The following PARD3B variants were observed in gnomAD, a reference collection of about 807,000 sequenced individuals.
PARD3B encodes the protein par-3 family cell polarity regulator beta.
PARD3B carries 103 observed loss-of-function variants against 130.2 expected under a neutral mutation model. That is an observed-to-expected ratio of 0.79 (90% confidence interval 0.67 to 0.93). The LOEUF is 0.93. Ranked by LOEUF, PARD3B falls within the 40% of genes least tolerant of loss-of-function variation. The pLI, the probability that PARD3B is intolerant of heterozygous loss-of-function variation, is 0.00. For synonymous variants in PARD3B, 583 were observed against 553.2 expected, an observed-to-expected ratio of 1.05 and a Z score of -0.76; for missense variants, 1,609 against 1,499.2, an observed-to-expected ratio of 1.07 and a Z score of -1.21.
At position 204,613,735 on chromosome 2, in the gene PARD3B, T is replaced by A. The variant is rs188440305; in HGVS notation, c.120+67616T>A. ...CTTTGTTGCTTTATGAACTTTGTTT[T>A]ATTCCTTTTAAGCATAGCTATTGTA... On this transcript the variant is annotated intron_variant, in intron 1 of 22. Coordinates refer to ENST00000406610, the MANE Select transcript of PARD3B (RefSeq NM_001302769.2). Among the ~76,000 whole-genome samples, 421 of 152,296 alleles carry A rather than the reference T, an allele frequency of 2.8e-3. 3 individuals carry two copies. The highest frequency in any genetic ancestry group is 9.4e-3 in the African/African-American group (391 of 41,592).
intron 3 of PARD3B, among the ~76,000 whole-genome samples, chr2:205,018,912 A>G (rs1696376514): frequency 6.6e-6 from 1 of 152,116 alleles, no homozygotes; most frequent in South Asian, 2.1e-4. Context: ...TTTTTAACTC[A>G]TGTAATAAAG....
In PARD3B at chr2:205,119,639, A is replaced by G. The variant is rs567718544; in HGVS notation, c.806+593A>G. Among the ~76,000 whole-genome samples the G allele has an allele frequency of 3.6e-4, 55 of 152,158 alleles. 1 individual carries two copies. The highest frequency in any genetic ancestry group is 3.3e-3 in the Admixed American group (51 of 15,280). On this transcript the variant is annotated intron_variant, in intron 7 of 22. Coordinates refer to ENST00000406610, the MANE Select transcript of PARD3B (RefSeq NM_001302769.2). ...ACTAAAGGTACGAGAAAAATTAGCC[A>G]GGCGTGGTGGTACGCGCCTGTAATC...
intron 21 of PARD3B, among the ~76,000 whole-genome samples, chr2:205,552,015 C>G (rs916498455): frequency 4.6e-5 from 7 of 152,178 alleles, no homozygotes; most frequent in Non-Finnish European, 1.0e-4. Context: ...AATCAGTAAT[C>G]AAGTACTTTT....
At chr2:205,093,864 T>A (rs1472539592) in intron 4 of PARD3B, among the ~76,000 whole-genome samples, 1 of 152,076 alleles carries the variant, frequency 6.6e-6, no homozygotes, top group Non-Finnish European at 1.5e-5. Flanking sequence ...TTTTGCAGAG[T>A]CTCTCCTAAC....
intron 3 of PARD3B, among the ~76,000 whole-genome samples, chr2:205,009,394 G>A (rs781505459): frequency 2.0e-5 from 3 of 151,958 alleles, no homozygotes; most frequent in Non-Finnish European, 2.9e-5. Flanking sequence ...CACACCAGCC[G>A]GGCATGGTGG....
chr2:204,734,213 A>AT (rs1326950769), intron 2 of PARD3B, among the ~76,000 whole-genome samples: 1 of 152,220 alleles, frequency 6.6e-6, no homozygotes, highest in African/African-American at 2.4e-5. Flanking sequence ...AATTACAGTG[A>AT]TAACATTATA....
chr2:205,161,604 A>G (rs1301825149), intron 11 of PARD3B, among the ~76,000 whole-genome samples: 1 of 152,214 alleles, frequency 6.6e-6, no homozygotes, highest in African/African-American at 2.4e-5. Context: ...TCTATGATTC[A>G]GGATTCTGTC....
chr2:205,590,508 G>A lies in PARD3B; in HGVS notation c.3261-24948G>A, dbSNP rs534777823. On this transcript the variant is annotated intron_variant, in intron 22 of 22. Coordinates refer to ENST00000406610, the MANE Select transcript of PARD3B (RefSeq NM_001302769.2). The surrounding 1 kb of genome is among the most constrained non-coding windows in gnomAD (Gnocchi z 4.1). The stretch of plus-strand genomic sequence containing the variant: ...TTAACCATACACAATCACTGTGCCC[G>A]AGGGGATGGAACGTTCTGATGATCC... Among the ~76,000 whole-genome samples, 1 of 152,264 alleles carries A rather than the reference G, an allele frequency of 6.6e-6. No homozygotes were observed. Among genetic ancestry groups the A allele is most frequent in the African/African-American group, 2.4e-5 (1 of 41,550 alleles).
chr2:204,852,221 G>A (rs1021115082), intron 2 of PARD3B, among the ~76,000 whole-genome samples: 4 of 151,360 alleles, frequency 2.6e-5, no homozygotes, highest in Non-Finnish European at 4.4e-5. Context: ...TGTTTTAGGC[G>A]GTTATTTTGC....
At chr2:205,603,172 G>A (rs1431390545) in intron 22 of PARD3B, among the ~76,000 whole-genome samples, 4 of 152,186 alleles carry the variant, frequency 2.6e-5, no homozygotes, top group Non-Finnish European at 5.9e-5. Context: ...GTGTGGTTTT[G>A]AATGAGTTTC....
chr2:205,267,135 G>A (rs1022259372), intron 16 of PARD3B, among the ~76,000 whole-genome samples: 5 of 152,092 alleles, frequency 3.3e-5, no homozygotes, highest in African/African-American at 1.2e-4. Flanking sequence ...TCAAAGGGGA[G>A]AAATCATTCT....
intron 2 of PARD3B, among the ~76,000 whole-genome samples, chr2:204,779,266 A>T (rs1016294802): frequency 6.6e-6 from 1 of 152,146 alleles, no homozygotes. Flanking sequence ...GCTCCATGCG[A>T]ACAGGGATTA....
At chr2:205,406,165 C>T (rs2046410608) in intron 19 of PARD3B, among the ~76,000 whole-genome samples, 1 of 152,188 alleles carries the variant, frequency 6.6e-6, no homozygotes. Flanking sequence ...AGAACTGTCA[C>T]ATAGAGATTA....
intron 2 of PARD3B, among the ~76,000 whole-genome samples, chr2:204,948,737 T>G (rs778637055): frequency 3.9e-5 from 6 of 152,196 alleles, no homozygotes; most frequent in Non-Finnish European, 7.3e-5. Flanking sequence ...TTCAGAGAAA[T>G]TATTTGTCTT....
chr2:204,753,723 G>A (rs1310116187), intron 2 of PARD3B, among the ~76,000 whole-genome samples: 1 of 151,998 alleles, frequency 6.6e-6, no homozygotes, highest in Non-Finnish European at 1.5e-5. Flanking sequence ...TGATTCTCTT[G>A]TCACAAAGCA....
chr2:205,361,771 C>T (rs1255374014), intron 18 of PARD3B, among the ~76,000 whole-genome samples: 4 of 152,154 alleles, frequency 2.6e-5, no homozygotes, highest in Non-Finnish European at 4.4e-5. Flanking sequence ...ATCAGTTTTA[C>T]ACTTTTATCT....
At chr2:204,653,296 A>T (rs2035543476) in intron 1 of PARD3B, among the ~76,000 whole-genome samples, 1 of 139,550 alleles carries the variant, frequency 7.2e-6, no homozygotes, top group East Asian at 2.1e-4. Context: ...AAAAAAAAAA[A>T]ACCTAGCTAT....
chr2:205,054,430 ATATATATTTTTTTTT>A (rs1187440041), intron 4 of PARD3B, among the ~76,000 whole-genome samples: 2 of 37,706 alleles, frequency 5.3e-5, no homozygotes, highest in African/African-American at 2.5e-4. Context: ...ATATATATAT[ATATATATTTTTTTTT>A]TTTTTTTTTT....
intron 19 of PARD3B, among the ~76,000 whole-genome samples, chr2:205,418,271 A>G (rs1276567716): frequency 6.6e-6 from 1 of 152,144 alleles, no homozygotes; most frequent in Non-Finnish European, 1.5e-5. Flanking sequence ...ATTTGGGTAG[A>G]TATCTTCTGC....
Sources: gnomAD v4.1 joint callset for allele counts (sites outside exome capture counted in the v4.1 genomes callset) on GRCh38, gnomAD v4.1.1 for gene constraint, Gnocchi (gnomAD v3.1) non-coding constraint, MANE v1.5 for transcripts, NCBI Gene and HGNC (gene_info 2026-07-23, HGNC 2026-07-21) for gene names.